ANKRD45: variants seen among roughly 807,000 people sequenced by gnomAD.
The protein encoded by ANKRD45 is ankyrin repeat domain 45.
Under a neutral mutation model 28.1 loss-of-function variants are expected in ANKRD45, and 21 were observed. That is an observed-to-expected ratio of 0.75 (90% confidence interval 0.53 to 1.08). ANKRD45 has a LOEUF of 1.08. ANKRD45 is among the 50% of genes least tolerant of loss of function. ANKRD45 has a pLI of 0.00. For synonymous variants in ANKRD45, 86 were observed against 103.9 expected (o/e 0.83, Z 1.05); for missense variants, 261 against 308.7 (o/e 0.85, Z 1.16).
the ANKRD45 span, among the ~76,000 whole-genome samples, chr1:173,681,037 G>A: frequency 1.7e-4 from 25 of 151,416 alleles, no homozygotes; most frequent in East Asian, 4.5e-3. Flanking sequence ...TGTAGATGAC[G>A]GGTTGATGGG....
At chr1:173,612,581 CTCTCCCTCTCCCCACGG>C (rs945596439) in intron 5 of ANKRD45, 2 of 152,560 alleles carry the variant, frequency 1.3e-5, no homozygotes, top group Admixed American at 1.3e-4. Flanking sequence ...GACCCTCTCC[CTCTCCCTCTCCCCACGG>C]TCTCCCTCTC....
the ANKRD45 span, among the ~76,000 whole-genome samples, chr1:173,701,154 A>C: frequency 3.3e-5 from 5 of 152,258 alleles, no homozygotes; most frequent in Non-Finnish European, 5.9e-5. Context: ...GCAATCATTA[A>C]AAAGTCAGGA....
intron 5 of ANKRD45, among the ~76,000 whole-genome samples, chr1:173,620,186 A>C (rs1667640942): frequency 6.6e-6 from 1 of 152,234 alleles, no homozygotes; most frequent in Admixed American, 6.5e-5. Flanking sequence ...TTACTCAAAA[A>C]TTGATCACAT....
chr1:173,623,228 G>A (rs372804117), intron 5 of ANKRD45, among the ~76,000 whole-genome samples: 8 of 151,478 alleles, frequency 5.3e-5, no homozygotes, highest in Non-Finnish European at 1.0e-4. Context: ...CAAGAGAATC[G>A]CTTGAACCCA....
At chr1:173,627,431 T>C (rs979190788) in intron 3 of ANKRD45, among the ~76,000 whole-genome samples, 1 of 152,150 alleles carries the variant, frequency 6.6e-6, no homozygotes, top group Non-Finnish European at 1.5e-5. Flanking sequence ...CCCCTGGTAA[T>C]AGCCACACAG....
chr1:173,655,590 T>A (rs1434597827), intron 2 of ANKRD45, among the ~76,000 whole-genome samples: 1 of 152,196 alleles, frequency 6.6e-6, no homozygotes, highest in East Asian at 1.9e-4. Context: ...GTGTGTCCGT[T>A]CTCAGAGCTC....
chr1:173,681,715 A>T, the ANKRD45 span, among the ~76,000 whole-genome samples: 1 of 152,158 alleles, frequency 6.6e-6, no homozygotes, highest in Non-Finnish European at 1.5e-5. Flanking sequence ...TTACATCAGA[A>T]GGTAAGGAGA....
At chr1:173,673,937 T>C (rs1670336343), upstream of ANKRD45, among the ~76,000 whole-genome samples, 1 of 152,232 alleles carries the variant, frequency 6.6e-6, no homozygotes, top group Non-Finnish European at 1.5e-5. Context: ...AATGAAATAG[T>C]GAACACCCAT....
chr1:173,656,137 T>C (rs1402088538), intron 2 of ANKRD45, among the ~76,000 whole-genome samples: 1 of 152,220 alleles, frequency 6.6e-6, no homozygotes, highest in East Asian at 1.9e-4. Flanking sequence ...CCCAATGAGA[T>C]GAACCAGGTA....
the ANKRD45 span, among the ~76,000 whole-genome samples, chr1:173,711,696 G>A: frequency 6.6e-6 from 1 of 152,158 alleles, no homozygotes; most frequent in African/African-American, 2.4e-5. Context: ...TAGAAATTCA[G>A]GCTCCCGAAG....
At chr1:173,669,705 C>T (rs1047343518) in intron 1 of ANKRD45, 112 bp downstream of exon 1, 1 of 322,244 alleles carries the variant, frequency 3.1e-6, no homozygotes, top group African/African-American at 2.2e-5. Flanking sequence ...GATTGAAGCC[C>T]ACTCCCCTCC....
At chr1:173,630,759 G>T (rs976448324) in intron 3 of ANKRD45, among the ~76,000 whole-genome samples, 16 of 140,202 alleles carry the variant, frequency 1.1e-4, no homozygotes, top group African/African-American at 4.3e-4. Flanking sequence ...GGCAGAGGTT[G>T]CAGTGAGCCA....
At chr1:173,709,447 A>C in the ANKRD45 span, among the ~76,000 whole-genome samples, 18 of 152,300 alleles carry the variant, frequency 1.2e-4, no homozygotes, top group African/African-American at 4.3e-4. Flanking sequence ...TAATATTAGA[A>C]GTACAATTCC....
chr1:173,638,763 G>C lies in ANKRD45; in HGVS notation c.496+8083C>G, dbSNP rs1157469947. The stretch of plus-strand genomic sequence containing the variant: ...TGACTCCAGAATCTTGAAATATAAG[G>C]CTATTTTGCTAGAAAAAGATGATTT... On this transcript the variant is annotated intron_variant, in intron 3 of 5. Transcript: ENST00000333279. Among the ~76,000 whole-genome samples, 6 of 152,238 alleles carry C rather than the reference G, an allele frequency of 3.9e-5. No individual in the cohort carries two copies. In the East Asian group the frequency reaches 9.7e-4, roughly 25 times the overall value.
At chr1:173,667,862 A>G (rs1670091984) in intron 1 of ANKRD45, 1 of 237,920 alleles carries the variant, frequency 4.2e-6, no homozygotes, top group Non-Finnish European at 8.4e-6. Context: ...TTTCAAAACA[A>G]CATATTGCAA....
At position 173,648,438 on chromosome 1, in the gene ANKRD45, C is replaced by T. The variant is rs573534808; in HGVS notation, c.329-1425G>A. Among the ~76,000 whole-genome samples the T allele has an allele frequency of 9.2e-5, 14 of 152,222 alleles. No individual in the cohort carries two copies. The East Asian group carries it at 1.4e-3, about 15-fold the overall frequency. ...TAGAGTCATATACTCAGTTTTTTCT[C>T]GGAAGCATGCTTTTCTGACAGTGAA... On this transcript the variant is annotated intron_variant, in intron 2 of 5. Coordinates refer to ENST00000333279, the MANE Select transcript of ANKRD45 (RefSeq NM_198493.3).
chr1:173,619,827 CAAA>C (rs112235355), intron 5 of ANKRD45, among the ~76,000 whole-genome samples: 3 of 90,662 alleles, frequency 3.3e-5, no homozygotes, highest in Non-Finnish European at 2.4e-5. Context: ...GACTCCATCT[CAAA>C]AAAAAAAAAA....
At chr1:173,685,402 T>C in the ANKRD45 span, among the ~76,000 whole-genome samples, 3 of 152,156 alleles carry the variant, frequency 2.0e-5, no homozygotes, top group South Asian at 2.1e-4. Flanking sequence ...GCATGACTTA[T>C]TACTCCAGGC....
chr1:173,700,923 T>C, the ANKRD45 span, among the ~76,000 whole-genome samples: 1 of 152,182 alleles, frequency 6.6e-6, no homozygotes. Context: ...AATCTACCCA[T>C]CTGACAAAGG....
Sources: gnomAD v4.1 joint callset for allele counts (sites outside exome capture counted in the v4.1 genomes callset) on GRCh38, gnomAD v4.1.1 for gene constraint, MANE v1.5 for transcripts, NCBI Gene and HGNC (gene_info 2026-07-23, HGNC 2026-07-21) for gene names.